ZNF385D: variants seen among roughly 807,000 people sequenced by gnomAD.
ZNF385D encodes zinc finger protein 385D.
A neutral mutation model predicts 35.8 loss-of-function variants in ZNF385D; 15 were observed. The ratio of observed to expected loss-of-function variants is 0.42; its 90% CI spans 0.28 to 0.64. ZNF385D has a LOEUF of 0.64. Ranked by LOEUF, ZNF385D falls within the 30% of genes least tolerant of loss-of-function variation. ZNF385D has a pLI of 0.23. For missense variants in ZNF385D, 474 were observed against 494.6 expected, an observed-to-expected ratio of 0.96 and a Z score of 0.39; for synonymous variants, 212 against 186.8, an observed-to-expected ratio of 1.13 and a Z score of -1.10.
chr3:21,946,534 A>G (rs1434555038), intron 3 of ZNF385D, among the ~76,000 whole-genome samples: 2 of 151,900 alleles, frequency 1.3e-5, no homozygotes, highest in Non-Finnish European at 2.9e-5. Flanking sequence ...ACACTATGTT[A>G]AAACTTACTT....
intron 2 of ZNF385D, among the ~76,000 whole-genome samples, chr3:22,348,794 G>C (rs1252596552): frequency 6.6e-6 from 1 of 152,138 alleles, no homozygotes; most frequent in Non-Finnish European, 1.5e-5. Context: ...TAAGGAGAGA[G>C]GCATGGTGAT....
chr3:21,505,358 A>G lies in ZNF385D; in HGVS notation c.439+5503T>C, dbSNP rs13078609. On this transcript the variant is annotated intron_variant, in intron 4 of 7. Coordinates refer to ENST00000281523, the MANE Select transcript of ZNF385D (RefSeq NM_024697.3). The stretch of plus-strand genomic sequence containing the variant: ...AAGCCATGATAGTGTTCAAATAGAG[A>G]CCATAAGATTGAAGGAACAGACTCT... Among the ~76,000 whole-genome samples, 696 of 150,704 alleles carry G rather than the reference A, an allele frequency of 4.6e-3. 7 individuals are homozygous for G. The highest frequency in any genetic ancestry group is 5.3e-3 in the Non-Finnish European group (360 of 67,648).
At chr3:21,547,340 C>T (rs991866161) in intron 3 of ZNF385D, among the ~76,000 whole-genome samples, 3 of 152,074 alleles carry the variant, frequency 2.0e-5, no homozygotes, top group Non-Finnish European at 2.9e-5. Flanking sequence ...GGTAAAAGGC[C>T]TTGGAATTTT....
intron 3 of ZNF385D, among the ~76,000 whole-genome samples, chr3:21,774,239 T>G (rs1316618533): frequency 6.7e-6 from 1 of 150,256 alleles, no homozygotes; most frequent in Non-Finnish European, 1.5e-5. Flanking sequence ...GGACACATAG[T>G]GGGGAAACAA....
chr3:21,852,179 T>C (rs548719721), intron 3 of ZNF385D, among the ~76,000 whole-genome samples: 5 of 152,126 alleles, frequency 3.3e-5, no homozygotes, highest in African/African-American at 9.6e-5. Flanking sequence ...AATTAAAAAT[T>C]GCTCTGTTTT....
intron 3 of ZNF385D, among the ~76,000 whole-genome samples, chr3:21,926,895 T>C (rs1700754917): frequency 6.6e-6 from 1 of 152,192 alleles, no homozygotes; most frequent in Non-Finnish European, 1.5e-5. Flanking sequence ...TTTTGCAGTC[T>C]ATCCCTCTGA....
intron 1 of ZNF385D, among the ~76,000 whole-genome samples, chr3:21,680,165 T>G (rs1230113137): frequency 1.3e-5 from 2 of 151,234 alleles, no homozygotes; most frequent in Non-Finnish European, 2.9e-5. Flanking sequence ...GCCCTCATCT[T>G]TCATTCCTCT....
At chr3:21,863,612 T>C (rs1483359020) in intron 3 of ZNF385D, among the ~76,000 whole-genome samples, 1 of 152,144 alleles carries the variant, frequency 6.6e-6, no homozygotes, top group East Asian at 1.9e-4. Flanking sequence ...GGAAATTTAA[T>C]AATGAGAGAG....
intron 2 of ZNF385D, among the ~76,000 whole-genome samples, chr3:22,195,190 C>T (rs1027312227): frequency 2.0e-5 from 3 of 151,766 alleles, no homozygotes; most frequent in Admixed American, 1.3e-4. Context: ...TGGAATCACA[C>T]CGTGGTTTTA....
chr3:21,795,932 A>G (rs1484275981), intron 3 of ZNF385D, among the ~76,000 whole-genome samples: 2 of 152,224 alleles, frequency 1.3e-5, no homozygotes, highest in South Asian at 4.1e-4. Context: ...ATTTGCTACA[A>G]AGGTAAGTAA....
At chr3:22,237,864 G>A (rs931089162) in intron 2 of ZNF385D, among the ~76,000 whole-genome samples, 2 of 143,252 alleles carry the variant, frequency 1.4e-5, no homozygotes, top group Non-Finnish European at 3.0e-5. Context: ...TGATGGTCTC[G>A]ATCTCCTGAT....
At chr3:21,749,604 T>C (rs1430006736) in intron 1 of ZNF385D, among the ~76,000 whole-genome samples, 3 of 152,346 alleles carry the variant, frequency 2.0e-5, no homozygotes, top group Admixed American at 6.5e-5. Context: ...TGGAAAGAGA[T>C]GGTTTTTAAC....
intron 3 of ZNF385D, among the ~76,000 whole-genome samples, chr3:22,161,932 G>C (rs574670506): frequency 9.9e-4 from 150 of 152,260 alleles, no homozygotes; most frequent in African/African-American, 3.1e-3. Flanking sequence ...CAGTTCTGAA[G>C]ACAAACAGCT....
chr3:21,458,848 C>A (rs1702992566), intron 4 of ZNF385D, among the ~76,000 whole-genome samples: 2 of 151,812 alleles, frequency 1.3e-5, no homozygotes, highest in African/African-American at 2.4e-5. Flanking sequence ...TATGTGGTTT[C>A]TTTAGGGGGT....
chr3:22,160,382 G>C (rs1478306571), intron 3 of ZNF385D, among the ~76,000 whole-genome samples: 1 of 152,070 alleles, frequency 6.6e-6, no homozygotes, highest in Non-Finnish European at 1.5e-5. Flanking sequence ...CGTCCTTGGA[G>C]ATCAAAAGGT....
chr3:22,180,059 AAG>A (rs1164354959), intron 2 of ZNF385D, among the ~76,000 whole-genome samples: 5 of 152,174 alleles, frequency 3.3e-5, no homozygotes, highest in Admixed American at 6.5e-5. Context: ...TAAAGAAGAA[AAG>A]AGAGAATAAT....
intron 3 of ZNF385D, among the ~76,000 whole-genome samples, chr3:21,762,706 C>T (rs1410319397): frequency 6.6e-6 from 1 of 152,140 alleles, no homozygotes; most frequent in Non-Finnish European, 1.5e-5. Context: ...AGACAGACAG[C>T]CTTTCACTGT....
chr3:22,004,860 T>A (rs570362323), intron 3 of ZNF385D, among the ~76,000 whole-genome samples: 2 of 152,016 alleles, frequency 1.3e-5, no homozygotes, highest in Non-Finnish European at 2.9e-5. Flanking sequence ...CTCACATATA[T>A]TGATTGATGT....
At chr3:21,772,425 GAATA>G (rs1433011812) in intron 3 of ZNF385D, among the ~76,000 whole-genome samples, 2 of 151,788 alleles carry the variant, frequency 1.3e-5, no homozygotes, top group Non-Finnish European at 2.9e-5. Flanking sequence ...CAAAGAACTT[GAATA>G]AATATTTTTC....
Sources: gnomAD v4.1 joint callset for allele counts (sites outside exome capture counted in the v4.1 genomes callset) on GRCh38, gnomAD v4.1.1 for gene constraint, MANE v1.5 for transcripts, NCBI Gene and HGNC (gene_info 2026-07-23, HGNC 2026-07-21) for gene names.